The following NRXN1 variants were observed in gnomAD, a reference collection of about 807,000 sequenced individuals.
NRXN1 encodes neurexin-1.
In NRXN1, 39 loss-of-function variants were observed where a neutral mutation model predicts 150.9. The ratio of observed to expected loss-of-function variants is 0.26; its 90% CI spans 0.20 to 0.34. NRXN1 has a LOEUF of 0.34. Among genes scored for constraint, NRXN1 ranks in the 10% least tolerant of loss-of-function variants. NRXN1 has a pLI of 1.00. For synonymous variants in NRXN1, 924 were observed against 757.0 expected (o/e 1.22, Z -3.62); for missense variants, 1,815 against 1,949.9 (o/e 0.93, Z 1.30).
At chr2:49,971,475 A>G (rs560816763) in intron 21 of NRXN1, among the ~76,000 whole-genome samples, 4 of 152,158 alleles carry the variant, frequency 2.6e-5, no homozygotes, top group African/African-American at 9.6e-5. Context: ...ACAGTTCAGG[A>G]CTCTTGTAGT....
rs562821463 is a variant in NRXN1 at position 50,793,454 on chromosome 2, C to T, written c.832+128415G>A. ...CAGGGCGATTTTTGGTGTAACGTTC[C>T]GCTTAACCTTCACTAAAGGGTTAAT... On this transcript the variant is annotated intron_variant, in intron 5 of 22. Transcript: ENST00000401669. Among the ~76,000 whole-genome samples, 19 of 152,128 alleles carry T rather than the reference C, an allele frequency of 1.2e-4. No individual in the cohort carries two copies. In the South Asian group the frequency reaches 3.5e-3, roughly 28 times the overall value.
chr2:50,792,739 G>T (rs1486647804), intron 5 of NRXN1, among the ~76,000 whole-genome samples: 5 of 151,866 alleles, frequency 3.3e-5, no homozygotes, highest in African/African-American at 9.7e-5. Context: ...GAAATAAGAT[G>T]ATACAAAGAA....
At chr2:50,921,372 T>C (rs1186375526) in intron 5 of NRXN1, among the ~76,000 whole-genome samples, 2 of 151,806 alleles carry the variant, frequency 1.3e-5, no homozygotes, top group African/African-American at 4.8e-5. Flanking sequence ...TCTTTCTTAA[T>C]ACTGCCTTTT....
At chr2:50,026,319 C>G (rs1044051952) in intron 21 of NRXN1, among the ~76,000 whole-genome samples, 1 of 152,168 alleles carries the variant, frequency 6.6e-6, no homozygotes, top group Non-Finnish European at 1.5e-5. Flanking sequence ...CTGAAATGTC[C>G]TCCAATCTCA....
chr2:49,982,806 T>A (rs1299573644), intron 21 of NRXN1, among the ~76,000 whole-genome samples: 1 of 152,262 alleles, frequency 6.6e-6, no homozygotes, highest in South Asian at 2.1e-4. Flanking sequence ...TTTTCTTCCT[T>A]TGTATTTTTT....
At chr2:50,722,490 G>C (rs964926834) in intron 5 of NRXN1, among the ~76,000 whole-genome samples, 1 of 152,068 alleles carries the variant, frequency 6.6e-6, no homozygotes, top group Non-Finnish European at 1.5e-5. Context: ...TAATGATTTG[G>C]GGATACGTTT....
chr2:50,584,884 G>C (rs987002313), intron 8 of NRXN1, among the ~76,000 whole-genome samples: 6 of 152,188 alleles, frequency 3.9e-5, no homozygotes, highest in African/African-American at 1.4e-4. Flanking sequence ...GAAGGTAAAT[G>C]TATCCCATAC....
At chr2:50,928,917 C>T (rs1478717091) in intron 2 of NRXN1, among the ~76,000 whole-genome samples, 1 of 152,036 alleles carries the variant, frequency 6.6e-6, no homozygotes, top group African/African-American at 2.4e-5. Context: ...AAAGATCACA[C>T]TCTTGCTTTC....
At chr2:50,170,815 C>G (rs1449422315) in intron 18 of NRXN1, among the ~76,000 whole-genome samples, 1 of 146,474 alleles carries the variant, frequency 6.8e-6, no homozygotes, top group Admixed American at 6.9e-5. Context: ...ATAGTTGGCC[C>G]TTGAACAATG....
At chr2:50,960,880 C>G (rs1693062494) in intron 2 of NRXN1, among the ~76,000 whole-genome samples, 1 of 151,934 alleles carries the variant, frequency 6.6e-6, no homozygotes, top group Non-Finnish European at 1.5e-5. Context: ...CTACTGAGTT[C>G]TCACAAATTA....
intron 17 of NRXN1, among the ~76,000 whole-genome samples, chr2:50,407,951 T>C (rs1007129900): frequency 1.3e-5 from 2 of 152,216 alleles, no homozygotes; most frequent in South Asian, 2.1e-4. Context: ...ACTCATACTA[T>C]TTTAACATCT....
chr2:50,441,902 C>A (rs548572725), intron 17 of NRXN1, among the ~76,000 whole-genome samples: 4 of 152,150 alleles, frequency 2.6e-5, no homozygotes, highest in Non-Finnish European at 5.9e-5. Context: ...TGTCAAAAAT[C>A]TTGGAAAGAA....
At chr2:50,870,964 G>C (rs1165383764) in intron 5 of NRXN1, among the ~76,000 whole-genome samples, 1 of 151,746 alleles carries the variant, frequency 6.6e-6, no homozygotes, top group African/African-American at 2.4e-5. Flanking sequence ...TAGTTTTTGA[G>C]GTGCTGTGGG....
At chr2:50,466,377 C>T in intron 16 of NRXN1, 1 of 418,738 alleles carries the variant, frequency 2.4e-6, no homozygotes, top group South Asian at 1.8e-5. Flanking sequence ...ACAGTTACTG[C>T]AGAAATGTAA....
Position 50,347,609 on chromosome 2 carries a change from G to T in NRXN1, c.3365-110639C>A, listed in dbSNP as rs932408890. The stretch of plus-strand genomic sequence containing the variant: ...GCAATCTCCGCGTCCGCCGCCTCCT[G>T]ACACTTACGCCCGGCGAGGGGTTCA... On this transcript the variant is annotated intron_variant, in intron 17 of 22. Transcript: ENST00000401669. The surrounding 1 kb of genome is among the most constrained non-coding windows in gnomAD (Gnocchi z 4.9). 5.0e-6 allele frequency: 5 copies of T among 1,009,860 alleles called. No homozygotes were observed. Among genetic ancestry groups the T allele is most frequent in the African/African-American group, 1.7e-5 (1 of 57,340 alleles). The allele number at this position is 1,009,860 out of a possible 1,614,324, so 62.6% of individuals were successfully genotyped here. A position where few individuals can be genotyped will look rare whatever the true frequency, so the allele number is the denominator to read the frequency against.
Position 50,265,219 on chromosome 2 carries a change from T to TA in NRXN1, c.3365-28250dup, listed in dbSNP as rs374113311. Among the ~76,000 whole-genome samples the TA allele has an allele frequency of 8.6e-4, 131 of 152,074 alleles. 1 individual carries two copies. Among genetic ancestry groups the TA allele is most frequent in the African/African-American group, 3.1e-3 (127 of 41,496 alleles). The stretch of plus-strand genomic sequence containing the variant: ...TGGTGGGAATATATTTGCTTACTGG[T>TA]AAAAAAGTCTTGGGCAAGGACAACA... On this transcript the variant is annotated intron_variant, in intron 17 of 22. Coordinates refer to ENST00000401669, the MANE Select transcript of NRXN1 (RefSeq NM_001330078.2).
intron 18 of NRXN1, among the ~76,000 whole-genome samples, chr2:50,173,962 CTAAG>C (rs2152803821): frequency 6.6e-6 from 1 of 152,198 alleles, no homozygotes; most frequent in South Asian, 2.1e-4. Context: ...TGCATATGCA[CTAAG>C]TGTCTTTCTT....
chr2:50,318,018 C>T (rs2075747000), intron 17 of NRXN1, among the ~76,000 whole-genome samples: 1 of 151,848 alleles, frequency 6.6e-6, no homozygotes, highest in Non-Finnish European at 1.5e-5. Context: ...TTTAGAACTC[C>T]ATTCACCAAA....
intron 21 of NRXN1, among the ~76,000 whole-genome samples, chr2:50,013,004 T>C (rs930135089): frequency 6.6e-6 from 1 of 152,036 alleles, no homozygotes; most frequent in Non-Finnish European, 1.5e-5. Flanking sequence ...AAACCCTACC[T>C]GCTTGGGATC....
Sources: gnomAD v4.1 joint callset for allele counts (sites outside exome capture counted in the v4.1 genomes callset) on GRCh38, gnomAD v4.1.1 for gene constraint, Gnocchi (gnomAD v3.1) non-coding constraint, MANE v1.5 for transcripts, NCBI Gene and HGNC (gene_info 2026-07-23, HGNC 2026-07-21) for gene names.